Variants in CALN1 observed in about 807,000 individuals in gnomAD.
The protein encoded by CALN1 is calcium-binding protein 8.
In CALN1, 17 loss-of-function variants were observed where a neutral mutation model predicts 30.6. The observed-to-expected ratio is 0.56, with a 90% CI of 0.38 to 0.83. CALN1 has a LOEUF of 0.83. Ranked by LOEUF, CALN1 falls within the 40% of genes least tolerant of loss-of-function variation. The pLI is 0.00. For missense variants in CALN1, 291 were observed against 354.9 expected (o/e 0.82, Z 1.45); for synonymous variants, 156 against 131.4 (o/e 1.19, Z -1.28).
intron 2 of CALN1, among the ~76,000 whole-genome samples, chr7:72,392,211 G>A (rs1805620312): frequency 6.6e-6 from 1 of 152,100 alleles, no homozygotes; most frequent in Non-Finnish European, 1.5e-5. Flanking sequence ...ACATGGAAGT[G>A]ATCAAATAAT....
At chr7:72,415,324 G>A (rs979262891), upstream of CALN1, among the ~76,000 whole-genome samples, 3 of 152,182 alleles carry the variant, frequency 2.0e-5, no homozygotes, top group Non-Finnish European at 4.4e-5. Context: ...CTTATAAAAC[G>A]GGGCATGCCA....
At chr7:72,329,687 C>T (rs935305764) in intron 2 of CALN1, among the ~76,000 whole-genome samples, 2 of 152,250 alleles carry the variant, frequency 1.3e-5, no homozygotes, top group Non-Finnish European at 1.5e-5. Context: ...GGCGCGGTGG[C>T]TCATGCCTGT....
intron 5 of CALN1, among the ~76,000 whole-genome samples, chr7:71,811,636 C>T (rs1439722236): frequency 6.6e-6 from 1 of 151,580 alleles, no homozygotes; most frequent in Non-Finnish European, 1.5e-5. Flanking sequence ...TACTTTTCCA[C>T]TCCATTTATA....
chr7:72,278,676 G>C lies in CALN1; in HGVS notation c.244+10C>G. 2 of 1,611,044 alleles carry C rather than the reference G, an allele frequency of 1.2e-6. No homozygotes were observed. Among genetic ancestry groups the C allele is most frequent in the South Asian group, 2.2e-5 (2 of 90,996 alleles). ...GGGGGCCATCCCCCCAAACAGGGTA[G>C]GCTCCTTACCATCGAGCTCCTCCAC... On this transcript the variant is annotated intron_variant, in intron 3 of 6. Coordinates refer to ENST00000395275, the MANE Select transcript of CALN1 (RefSeq NM_031468.4).
chr7:72,205,216 T>A (rs1791741197), intron 3 of CALN1, among the ~76,000 whole-genome samples: 1 of 151,950 alleles, frequency 6.6e-6, no homozygotes, highest in Non-Finnish European at 1.5e-5. Flanking sequence ...TTTTGTTTTG[T>A]TTTTGAGATA....
rs1803540516 is a variant in CALN1 at position 72,361,074 on chromosome 7, A to G, written c.119+42177T>C. 1.3e-5 allele frequency among the ~76,000 whole-genome samples: 2 copies of G among 152,110 alleles called. 1 individual carries two copies. The highest frequency in any genetic ancestry group is 4.2e-4 in the South Asian group (2 of 4,818). On this transcript the variant is annotated intron_variant, in intron 2 of 6. Transcript: ENST00000395275. The stretch of plus-strand genomic sequence containing the variant: ...TTCTGCCTTGTTGGCATTTGTTGCA[A>G]TGAGAATGTACTACTTTTCATTTTT...
intron 4 of CALN1, among the ~76,000 whole-genome samples, chr7:72,043,040 A>G (rs1177166278): frequency 6.6e-6 from 1 of 152,194 alleles, no homozygotes; most frequent in Non-Finnish European, 1.5e-5. Context: ...GCAGGAATAG[A>G]TGCATGGCTT....
intron 1 of CALN1, among the ~76,000 whole-genome samples, chr7:72,421,264 C>T (rs117850473): frequency 1.4e-3 from 210 of 152,234 alleles, no homozygotes; most frequent in Admixed American, 3.6e-3. Context: ...CACTCCACTC[C>T]CAACCTCTCC....
At chr7:72,259,314 G>A (rs1796123638) in intron 3 of CALN1, among the ~76,000 whole-genome samples, 1 of 151,930 alleles carries the variant, frequency 6.6e-6, no homozygotes, top group Non-Finnish European at 1.5e-5. Flanking sequence ...AACACTTTGA[G>A]TCCCAGAAAT....
intron 5 of CALN1, among the ~76,000 whole-genome samples, chr7:71,905,403 A>AG (rs1794079248): frequency 1.4e-5 from 2 of 145,096 alleles, no homozygotes; most frequent in African/African-American, 5.1e-5. Flanking sequence ...TTTTATCTCT[A>AG]TCCCCCCTCC....
intron 1 of CALN1, among the ~76,000 whole-genome samples, chr7:72,427,036 G>A (rs1417711395): frequency 2.6e-5 from 4 of 152,304 alleles, no homozygotes; most frequent in African/African-American, 7.2e-5. Flanking sequence ...AGGCTAGAGC[G>A]CAGTTGTGTG....
chr7:72,122,043 A>G (rs1808434820), intron 3 of CALN1, among the ~76,000 whole-genome samples: 1 of 151,962 alleles, frequency 6.6e-6, no homozygotes, highest in Non-Finnish European at 1.5e-5. Flanking sequence ...CATTCGTCAC[A>G]CAGCCACAGG....
At chr7:72,450,547 C>T (rs1808638843), upstream of CALN1, among the ~76,000 whole-genome samples, 1 of 152,188 alleles carries the variant, frequency 6.6e-6, no homozygotes, top group Non-Finnish European at 1.5e-5. Context: ...ACTACGTCCT[C>T]CTCAAATCTT....
chr7:72,424,459 T>C (rs541326340), intron 1 of CALN1, among the ~76,000 whole-genome samples: 1 of 152,154 alleles, frequency 6.6e-6, no homozygotes, highest in Non-Finnish European at 1.5e-5. Context: ...ATTGTAAAAA[T>C]GAATTTTAGG....
intron 4 of CALN1, among the ~76,000 whole-genome samples, chr7:72,053,123 G>C (rs972401751): frequency 9.9e-5 from 15 of 152,156 alleles, no homozygotes; most frequent in African/African-American, 3.6e-4. Flanking sequence ...CCAGCTACTC[G>C]GGAGGCTGAA....
At chr7:72,412,620 C>A (rs1807257669), upstream of CALN1, among the ~76,000 whole-genome samples, 1 of 152,248 alleles carries the variant, frequency 6.6e-6, no homozygotes, top group Admixed American at 6.5e-5. Flanking sequence ...CTTCACCTCT[C>A]ACACCCAGGG....
At chr7:72,363,960 CCT>C (rs917276177) in intron 2 of CALN1, among the ~76,000 whole-genome samples, 1 of 151,984 alleles carries the variant, frequency 6.6e-6, no homozygotes, top group Non-Finnish European at 1.5e-5. Context: ...GTCTCAAACC[CCT>C]GACCTCAGGT....
chr7:72,368,892 G>A (rs1434250614), intron 2 of CALN1, among the ~76,000 whole-genome samples: 1 of 139,516 alleles, frequency 7.2e-6, no homozygotes. Context: ...TCAGTTCACT[G>A]CAACCTCCAC....
intron 5 of CALN1, among the ~76,000 whole-genome samples, chr7:71,888,557 C>G (rs17144086): frequency 0.39 from 58,970 of 150,786 alleles, 13,683 homozygotes; most frequent in African/African-American, 0.65. Flanking sequence ...AATAAAGAAA[C>G]GGCTAAAAAG....
Sources: allele counts gnomAD v4.1 joint callset (sites outside exome capture counted in the v4.1 genomes callset), GRCh38; gene constraint gnomAD v4.1.1; transcripts MANE v1.5; gene names NCBI Gene and HGNC (gene_info 2026-07-23, HGNC 2026-07-21).